The following FAM193B variants were observed in gnomAD, a reference collection of about 807,000 sequenced individuals.
FAM193B encodes protein FAM193B.
FAM193B carries 27 observed loss-of-function variants against 70.7 expected under a neutral mutation model. That is an observed-to-expected ratio of 0.38 (90% CI 0.28 to 0.53). FAM193B has a LOEUF of 0.53. Among genes scored for constraint, FAM193B ranks in the 20% least tolerant of loss-of-function variants. The pLI, the probability that FAM193B is intolerant of heterozygous loss-of-function variation, is 0.81. For missense variants in FAM193B, 1,022 were observed against 1,072.5 expected (o/e 0.95, Z 0.66); for synonymous variants, 448 against 436.0 (o/e 1.03, Z -0.34).
In FAM193B at chr5:177,532,336, ACGGT is replaced by A; in HGVS notation, c.1275+103_1275+106del. ...AGGTGCAAGGACTCACGGCCCCAGC[ACGGT>A]AATTACCACCGTGAGCAACGGGGTC... On this transcript the variant is annotated intron_variant, in intron 5 of 8. Coordinates refer to ENST00000514747, the MANE Select transcript of FAM193B (RefSeq NM_001190946.3). This position sits in a 1 kb window ranked among gnomAD's most constrained non-coding sequence, Gnocchi z 4.9. 1 of 1,500,702 alleles carries A rather than the reference ACGGT, an allele frequency of 6.7e-7. No homozygotes were observed. Among genetic ancestry groups the A allele is most frequent in the Non-Finnish European group, 8.9e-7 (1 of 1,124,754 alleles). 93.0% of individuals were successfully genotyped at this position (1,500,702 alleles called of 1,614,324 possible).
In FAM193B at chr5:177,538,226, A is replaced by G; in HGVS notation, c.454-119T>C. On this transcript the variant is annotated intron_variant, in intron 2 of 8. Coordinates refer to ENST00000514747, the MANE Select transcript of FAM193B (RefSeq NM_001190946.3). This position sits in a 1 kb window ranked among gnomAD's most constrained non-coding sequence, Gnocchi z 4.1. ...CCTCCAGACCATGTGCCATAGCAAA[A>G]ACACAATTAATACAACTCCAGCTAT... 1 of 1,028,696 alleles carries G rather than the reference A, an allele frequency of 9.7e-7. No homozygotes were observed. The highest frequency in any genetic ancestry group is 1.4e-6 in the Non-Finnish European group (1 of 721,132). The allele number at this position is 1,028,696 out of a possible 1,614,324, so 63.7% of individuals were successfully genotyped here.
chr5:177,551,001 A>T (rs1445325848), intron 1 of FAM193B, among the ~76,000 whole-genome samples: 1 of 147,314 alleles, frequency 6.8e-6, no homozygotes, highest in Non-Finnish European at 1.5e-5. Flanking sequence ...CTAAGTTTTG[A>T]TTTTTTTTTT....
At chr5:177,533,104 C>T (rs953385126) in intron 4 of FAM193B, among the ~76,000 whole-genome samples, 1 of 152,182 alleles carries the variant, frequency 6.6e-6, no homozygotes, top group Non-Finnish European at 1.5e-5. Context: ...CATTAGTGGG[C>T]TGAAGGCTCC....
At position 177,554,436 on chromosome 5, in the gene FAM193B, G is replaced by A; in HGVS notation, c.23C>T (p.Pro8Leu). The A allele has an allele frequency of 9.4e-7, 1 of 1,065,574 alleles. No homozygotes were observed. Among genetic ancestry groups the A allele is most frequent in the Non-Finnish European group, 1.1e-6 (1 of 884,772 alleles). 66.0% of individuals were successfully genotyped at this position (1,065,574 alleles called of 1,614,324 possible). A position where few individuals can be genotyped will look rare whatever the true frequency, so the allele number is the denominator to read the frequency against. The change falls in exon 1 of 9, where the codon CCG (proline) becomes CTG (leucine). Residue 8 changes from proline to leucine, a missense_variant. Physicochemically the swap from Pro to Leu is moderately conservative, Grantham distance 98. Coordinates refer to ENST00000514747, the MANE Select transcript of FAM193B (RefSeq NM_001190946.3). ...CTCGCGCCTGCCCGCACCGCCGCTC[G>A]GCCTGCTCCGCCTCCGCGTCATGCC... is the stretch of plus-strand genomic sequence containing the variant. MTRRRSR[P>L]SGGAGRRERA...
rs1762379174 is a variant in FAM193B at position 177,525,070 on chromosome 5, G to A, written c.1411C>T (p.Leu471=). The A allele has an allele frequency of 6.3e-7, 1 of 1,599,314 alleles. No individual in the cohort carries two copies. ...DRELDRVNSF[L]SSRLQEIKNT... ...TTGATCTCCTGCAGACGGCTGCTCAGGAAGCTGTTGACCCGATCCAGTTCC... is the reference window on the plus strand; with the variant it reads ...TTGATCTCCTGCAGACGGCTGCTCAAGAAGCTGTTGACCCGATCCAGTTCC... Residue 471 remains leucine (L), a synonymous_variant, in exon 6 of 9, where the codon CTG becomes TTG. Coordinates refer to ENST00000514747, the MANE Select transcript of FAM193B (RefSeq NM_001190946.3).
At position 177,537,964 on chromosome 5, in the gene FAM193B, C is replaced by A; in HGVS notation, c.597G>T (p.Leu199=). The A allele has an allele frequency of 6.4e-7, 1 of 1,566,602 alleles. No individual in the cohort carries two copies. The change falls in exon 3 of 9, where the codon CTG becomes CTT. Residue 199 remains leucine (L), a synonymous_variant. Coordinates refer to ENST00000514747, the MANE Select transcript of FAM193B (RefSeq NM_001190946.3). Reference sequence around the variant, plus strand: ...AGAGGCCCGAGAGCTTATGTGCCGACAGGAACGAGCTAGGATCCCAGTCTC... The same window carrying A: ...AGAGGCCCGAGAGCTTATGTGCCGAAAGGAACGAGCTAGGATCCCAGTCTC... ...NSGDWDPSSF[L]SAHKLSGLWN...
chr5:177,536,100 G>A (rs567088797), intron 4 of FAM193B, among the ~76,000 whole-genome samples: 1 of 151,842 alleles, frequency 6.6e-6, no homozygotes, highest in Non-Finnish European at 1.5e-5. Context: ...TTTGTAGAGA[G>A]GGGGGTCTTG....
chr5:177,540,033 G>A (rs867373118), intron 1 of FAM193B, among the ~76,000 whole-genome samples: 12 of 151,928 alleles, frequency 7.9e-5, no homozygotes, highest in African/African-American at 1.7e-4. Context: ...CAGGCCGGGC[G>A]CGGTAGCTCA....
chr5:177,540,032 C>T (rs903440871), intron 1 of FAM193B, among the ~76,000 whole-genome samples: 2 of 151,884 alleles, frequency 1.3e-5, no homozygotes, highest in East Asian at 1.9e-4. Flanking sequence ...TCAGGCCGGG[C>T]GCGGTAGCTC....
intron 8 of FAM193B, among the ~76,000 whole-genome samples, chr5:177,520,512 C>T (rs575027253): frequency 2.0e-5 from 3 of 150,836 alleles, no homozygotes; most frequent in East Asian, 2.0e-4. Context: ...GTGCACAGCC[C>T]GGGGGAGGGT....
Position 177,554,323 on chromosome 5 carries a change from G to C in FAM193B, c.136C>G (p.Pro46Ala). The C allele has an allele frequency of 3.0e-6, 4 of 1,331,944 alleles. No homozygotes were observed. The highest frequency in any genetic ancestry group is 1.8e-5 in the South Asian group (1 of 54,828). 82.5% of individuals were successfully genotyped at this position (1,331,944 alleles called of 1,614,324 possible). The change falls in exon 1 of 9, where the codon CCG (proline) becomes GCG (alanine). Residue 46 changes from proline to alanine, a missense_variant. By Grantham distance (27) the Pro-to-Ala change is conservative. Transcript: ENST00000514747. ...SLEAGAGAGPPEAPAEPDHDG... is the reference protein window; with the variant it reads ...SLEAGAGAGPAEAPAEPDHDG... ...TGGTCGGGCTCCGCCGGCGCCTCCGGAGGGCCTGCACCCGCTCCCGCCTCC... is the reference window on the plus strand; with the variant it reads ...TGGTCGGGCTCCGCCGGCGCCTCCGCAGGGCCTGCACCCGCTCCCGCCTCC...
At chr5:177,523,291 C>T (rs148766467) in intron 7 of FAM193B, 228 of 323,514 alleles carry the variant, frequency 7.0e-4, no homozygotes, top group African/African-American at 4.6e-3. Context: ...TGAGCCACCG[C>T]GCTTGGCCAA....
In FAM193B at chr5:177,532,677, G is replaced by A; in HGVS notation, c.1077-36C>T. On this transcript the variant is annotated intron_variant, in intron 4 of 8. Transcript: ENST00000514747. This position sits in a 1 kb window ranked among gnomAD's most constrained non-coding sequence, Gnocchi z 4.9. ...GGAGGAAGGCCCAGAGGTGAGGCAG[G>A]GTGATGCAGAAACCCAGGAAGCATC... 1 of 1,470,968 alleles carries A rather than the reference G, an allele frequency of 6.8e-7. No individual in the cohort carries two copies. Among genetic ancestry groups the A allele is most frequent in the Non-Finnish European group, 8.9e-7 (1 of 1,119,750 alleles). 91.1% of individuals were successfully genotyped at this position (1,470,968 alleles called of 1,614,324 possible).
chr5:177,524,279 C>A lies in FAM193B; in HGVS notation c.2202G>T (p.Gln734His). 1 of 1,580,802 alleles carries A rather than the reference C, an allele frequency of 6.3e-7. No homozygotes were observed. Among genetic ancestry groups the A allele is most frequent in the Non-Finnish European group, 8.6e-7 (1 of 1,163,548 alleles). ...KARPQEQESVQPSGPARPQSL... is the reference protein window; with the variant it reads ...KARPQEQESVHPSGPARPQSL... Reference sequence around the variant, plus strand: ...TCTGTGGCCTTGCTGGGCCTGAGGGCTGCACAGACTCCTGCTCCTGAGGCC... The same window carrying A: ...TCTGTGGCCTTGCTGGGCCTGAGGGATGCACAGACTCCTGCTCCTGAGGCC... The change falls in exon 6 of 9, where the codon CAG becomes CAT. Residue 734 changes from glutamine (Q) to histidine (H), a missense_variant. Coordinates refer to ENST00000514747, the MANE Select transcript of FAM193B (RefSeq NM_001190946.3).
intron 7 of FAM193B, among the ~76,000 whole-genome samples, chr5:177,522,700 A>G (rs1263041850): frequency 6.6e-6 from 1 of 151,940 alleles, no homozygotes; most frequent in African/African-American, 2.4e-5. Context: ...TGTAAATGCT[A>G]TGTAGTTATT....
At chr5:177,553,228 A>G in intron 1 of FAM193B, 1 of 985,906 alleles carries the variant, frequency 1.0e-6, no homozygotes, top group African/African-American at 1.7e-5. Context: ...TGGCTGCACC[A>G]GCCTCCCAGA....
intron 4 of FAM193B, 132 bp downstream of exon 4, chr5:177,536,226 C>T: frequency 9.3e-7 from 1 of 1,080,816 alleles, no homozygotes; most frequent in African/African-American, 1.6e-5. Context: ...ACACATACTT[C>T]TTTACAATTG....
At chr5:177,545,529 C>T (rs1418174917) in intron 1 of FAM193B, among the ~76,000 whole-genome samples, 1 of 151,928 alleles carries the variant, frequency 6.6e-6, no homozygotes, top group Non-Finnish European at 1.5e-5. Context: ...CTTTGGGTTC[C>T]TCAATAATTT....
intron 1 of FAM193B, among the ~76,000 whole-genome samples, chr5:177,549,187 C>CTTTTT (rs141797022): frequency 3.8e-4 from 35 of 92,970 alleles, no homozygotes; most frequent in African/African-American, 8.7e-4. Flanking sequence ...ATTGTCTTTT[C>CTTTTT]TTTTTTTTTT....
Sources: allele counts gnomAD v4.1 joint callset (sites outside exome capture counted in the v4.1 genomes callset), GRCh38; gene constraint gnomAD v4.1.1; non-coding constraint Gnocchi (gnomAD v3.1); transcripts MANE v1.5; gene names NCBI Gene and HGNC (gene_info 2026-07-23, HGNC 2026-07-21).